The following RAB2B variants were observed in gnomAD, a reference collection of about 807,000 sequenced individuals.
RAB2B encodes ras-related protein Rab-2B.
A neutral mutation model predicts 29.8 loss-of-function variants in RAB2B; 20 were observed. That is an observed-to-expected ratio of 0.67 (90% confidence interval 0.47 to 0.97). The LOEUF is 0.97. Among genes scored for constraint, RAB2B ranks in the 50% least tolerant of loss-of-function variants. The pLI is 0.00. For missense variants in RAB2B, 218 were observed against 272.0 expected, an observed-to-expected ratio of 0.80 and a Z score of 1.40; for synonymous variants, 93 against 91.7, an observed-to-expected ratio of 1.01 and a Z score of -0.08.
At chr14:21,472,168 G>C (rs1455748896) in intron 3 of RAB2B, among the ~76,000 whole-genome samples, 1 of 151,974 alleles carries the variant, frequency 6.6e-6, no homozygotes, top group Non-Finnish European at 1.5e-5. Context: ...GCATTCCAAA[G>C]TAAAATACAA....
At chr14:21,476,326 A>G (rs1210845598) in intron 2 of RAB2B, 1 of 575,404 alleles carries the variant, frequency 1.7e-6, no homozygotes, top group Non-Finnish European at 3.1e-6. Flanking sequence ...CTAAAAAGTT[A>G]CCTTTCAATT....
intron 3 of RAB2B, among the ~76,000 whole-genome samples, chr14:21,471,727 G>A (rs999020064): frequency 6.7e-6 from 1 of 148,950 alleles, no homozygotes; most frequent in African/African-American, 2.5e-5. Flanking sequence ...CCAGGCTGGA[G>A]TGCAGTGGCA....
chr14:21,471,120 C>T (rs1487208751), intron 3 of RAB2B, among the ~76,000 whole-genome samples: 9 of 151,488 alleles, frequency 5.9e-5, no homozygotes, highest in African/African-American at 1.9e-4. Context: ...CTGCAGTAAG[C>T]CAAGATGGCG....
chr14:21,476,314 C>T (rs763538102), intron 2 of RAB2B: 132 of 563,402 alleles, frequency 2.3e-4, no homozygotes, highest in African/African-American at 6.7e-4. Context: ...ATACCTCACA[C>T]TCTAAAAAGT....
At chr14:21,464,980 C>T (rs1890654206) in intron 5 of RAB2B, among the ~76,000 whole-genome samples, 1 of 151,290 alleles carries the variant, frequency 6.6e-6, no homozygotes, top group Non-Finnish European at 1.5e-5. Flanking sequence ...GCCTGGGCAA[C>T]AGCACGAGAC....
chr14:21,471,679 T>C (rs1162708230), intron 3 of RAB2B, among the ~76,000 whole-genome samples: 115 of 71,244 alleles, frequency 1.6e-3, no homozygotes, highest in Non-Finnish European at 3.0e-3. Context: ...GGTTTTTTTT[T>C]CCTTTTTTTT....
rs181308774 is a variant in RAB2B, at chr14:21,466,390, G to A, written c.362+1967C>T. Among the ~76,000 whole-genome samples the A allele has an allele frequency of 6.6e-5, 10 of 152,342 alleles. No individual in the cohort carries two copies. In the East Asian group the frequency reaches 1.7e-3, roughly 26 times the overall value. Reference sequence around the variant, plus strand: ...TAATCCCAGCTACTCGGGAGACTGAGGCAGGAGAATCGCTTGAACCCAGGA... The same window carrying A: ...TAATCCCAGCTACTCGGGAGACTGAAGCAGGAGAATCGCTTGAACCCAGGA... On this transcript the variant is annotated intron_variant, in intron 5 of 7. Coordinates refer to ENST00000397762, the MANE Select transcript of RAB2B (RefSeq NM_032846.4).
At chr14:21,475,900 GA>G (rs1890945325) in intron 2 of RAB2B, among the ~76,000 whole-genome samples, 1 of 152,214 alleles carries the variant, frequency 6.6e-6, no homozygotes. Context: ...TGCATGGCAA[GA>G]AAGCTAGTTT....
intron 3 of RAB2B, among the ~76,000 whole-genome samples, chr14:21,473,641 G>A (rs1450212567): frequency 1.3e-5 from 2 of 152,192 alleles, no homozygotes; most frequent in Non-Finnish European, 2.9e-5. Flanking sequence ...AGCATTTTGA[G>A]AGGCCTAGGT....
intron 3 of RAB2B, 110 bp downstream of exon 3, chr14:21,474,757 C>T (rs1890907022): frequency 2.4e-6 from 2 of 820,882 alleles, no homozygotes; most frequent in Admixed American, 4.3e-5. Context: ...TCACCTTTCC[C>T]CTACTTTATC....
intron 4 of RAB2B, 44 bp from the exon 5 acceptor site, chr14:21,468,493 A>G (rs369960904): frequency 2.2e-5 from 34 of 1,570,608 alleles, no homozygotes; most frequent in Non-Finnish European, 3.0e-5. Flanking sequence ...ACACATTTCA[A>G]AAGGCCAAAA....
chr14:21,460,125 G>C lies in RAB2B; in HGVS notation c.*1071C>G, dbSNP rs756134743. ...AAACTGCCTTCTACAAGAATTCTTAGGAAGTGGCAAGCAGACACCCAAAGG... is the reference window on the plus strand; with the variant it reads ...AAACTGCCTTCTACAAGAATTCTTACGAAGTGGCAAGCAGACACCCAAAGG... On this transcript the variant is annotated 3_prime_UTR_variant, in exon 8 of 8. Coordinates refer to ENST00000397762, the MANE Select transcript of RAB2B (RefSeq NM_032846.4). 4.2e-5 allele frequency: 22 copies of C among 518,068 alleles called. No homozygotes were observed. The highest frequency in any genetic ancestry group is 4.1e-4 in the African/African-American group (21 of 51,832). 32.1% of individuals were successfully genotyped at this position (518,068 alleles called of 1,614,324 possible). A position where few individuals can be genotyped will look rare whatever the true frequency, so the allele number is the denominator to read the frequency against.
At chr14:21,474,131 C>T (rs1890888680) in intron 3 of RAB2B, among the ~76,000 whole-genome samples, 1 of 152,128 alleles carries the variant, frequency 6.6e-6, no homozygotes, top group Non-Finnish European at 1.5e-5. Flanking sequence ...GTGGAGGTCG[C>T]GGTGAGCCAA....
intron 6 of RAB2B, 80 bp from the exon 7 acceptor site, chr14:21,462,498 T>C: frequency 1.5e-6 from 2 of 1,323,288 alleles, no homozygotes; most frequent in Non-Finnish European, 2.1e-6. Context: ...TTATTATTCA[T>C]ATTTGAATTT....
chr14:21,465,629 C>T (rs920479411), intron 5 of RAB2B, among the ~76,000 whole-genome samples: 1 of 152,212 alleles, frequency 6.6e-6, no homozygotes, highest in Non-Finnish European at 1.5e-5. Flanking sequence ...GATCAAGCCA[C>T]TTCTCTACTT....
In RAB2B at chr14:21,468,662, T is replaced by G. The variant is rs774817317; in HGVS notation, c.269+8A>C. The stretch of plus-strand genomic sequence containing the variant: ...GAATCTCCCTCCCATGCACCAGATC[T>G]GGCTCACCTTGTAATGTCGTACACC... On this transcript the variant is annotated splice_region_variant and intron_variant, in intron 4 of 7. Transcript: ENST00000397762. 6.5e-7 allele frequency: 1 copy of G among 1,548,522 alleles called. No individual in the cohort carries two copies. Among genetic ancestry groups the G allele is most frequent in the Non-Finnish European group, 8.7e-7 (1 of 1,152,082 alleles).
At chr14:21,473,969 G>T (rs757996804) in intron 3 of RAB2B, among the ~76,000 whole-genome samples, 1 of 152,070 alleles carries the variant, frequency 6.6e-6, no homozygotes, top group East Asian at 1.9e-4. Context: ...CTGAGATCAC[G>T]CCACTGCACT....
Position 21,461,425 on chromosome 14 carries a change from C to A in RAB2B, c.544-122G>T, listed in dbSNP as rs74436270. 390 of 622,482 alleles carry A rather than the reference C, an allele frequency of 6.3e-4. 2 individuals are homozygous for A. The African/African-American group carries it at 7.2e-3, about 11-fold the overall frequency. 38.6% of individuals were successfully genotyped at this position (622,482 alleles called of 1,614,324 possible). On this transcript the variant is annotated intron_variant, in intron 7 of 7. Transcript: ENST00000397762. ...AACAGAAAGGGGAGAAAGGAGAAATCATTAATTATATTTTCTAAAAGCAGA... is the reference window on the plus strand; with the variant it reads ...AACAGAAAGGGGAGAAAGGAGAAATAATTAATTATATTTTCTAAAAGCAGA...
chr14:21,463,220 T>C (rs1890605129), intron 6 of RAB2B, among the ~76,000 whole-genome samples: 1 of 151,238 alleles, frequency 6.6e-6, no homozygotes, highest in African/African-American at 2.4e-5. Context: ...ATGAGACATG[T>C]AGTCACTACG....
Sources: allele counts gnomAD v4.1 joint callset (sites outside exome capture counted in the v4.1 genomes callset), GRCh38; gene constraint gnomAD v4.1.1; transcripts MANE v1.5; gene names NCBI Gene and HGNC (gene_info 2026-07-23, HGNC 2026-07-21).